AUH: variants seen among roughly 807,000 people sequenced by gnomAD.
AUH encodes methylglutaconyl-CoA hydratase, mitochondrial.
AUH carries 29 observed loss-of-function variants against 42.3 expected under a neutral mutation model. The observed-to-expected ratio is 0.69, with a 90% CI of 0.51 to 0.93. The LOEUF is 0.93. Ranked by LOEUF, AUH falls within the 40% of genes least tolerant of loss-of-function variation. The pLI, the probability that AUH is intolerant of heterozygous loss-of-function variation, is 0.00. For missense variants in AUH, 452 were observed against 438.1 expected (o/e 1.03, Z -0.28); for synonymous variants, 174 against 166.4 (o/e 1.05, Z -0.35).
At chr9:91,221,788 C>A (rs1188586293) in intron 6 of AUH, among the ~76,000 whole-genome samples, 1 of 152,184 alleles carries the variant, frequency 6.6e-6, no homozygotes, top group African/African-American at 2.4e-5. Flanking sequence ...GCAAAAGATG[C>A]TTATTTTGTT....
intron 3 of AUH, among the ~76,000 whole-genome samples, chr9:91,336,422 G>A (rs998915980): frequency 5.9e-5 from 9 of 152,072 alleles, no homozygotes; most frequent in Non-Finnish European, 1.2e-4. Flanking sequence ...TTGAGGCCAC[G>A]AGTTTGAGAC....
At chr9:91,218,930 T>C (rs1826975114) in intron 7 of AUH, 1 of 985,342 alleles carries the variant, frequency 1.0e-6, no homozygotes, top group Non-Finnish European at 1.2e-6. Flanking sequence ...CATCTTCTTA[T>C]ACATCAACAT....
In AUH at chr9:91,213,827, C is replaced by A. The variant is rs1361851500; in HGVS notation, c.*521G>T. Reference sequence around the variant, plus strand: ...GGTAAGAGAAAAATTCCCATGTTTTCTTTTCACTAATTTTATTTATATTAG... The same window carrying A: ...GGTAAGAGAAAAATTCCCATGTTTTATTTTCACTAATTTTATTTATATTAG... On this transcript the variant is annotated 3_prime_UTR_variant, in exon 10 of 10. Coordinates refer to ENST00000375731, the MANE Select transcript of AUH (RefSeq NM_001698.3). 1.3e-5 allele frequency: 2 copies of A among 153,678 alleles called. No individual in the cohort carries two copies. The highest frequency in any genetic ancestry group is 2.9e-5 in the Non-Finnish European group (2 of 68,916). The allele number at this position is 153,678 out of a possible 1,614,324, so 9.5% of individuals were successfully genotyped here.
chr9:91,353,042 A>T (rs919103465), intron 3 of AUH, among the ~76,000 whole-genome samples: 3 of 152,144 alleles, frequency 2.0e-5, no homozygotes, highest in African/African-American at 7.2e-5. Context: ...CAAGGGATGG[A>T]GAAGAGGCTA....
intron 4 of AUH, among the ~76,000 whole-genome samples, chr9:91,315,662 T>C (rs2131800172): frequency 6.6e-6 from 1 of 152,314 alleles, no homozygotes; most frequent in Middle Eastern, 3.4e-3. Flanking sequence ...TAGATGAATC[T>C]TCTAAAAATT....
At chr9:91,223,073 A>T (rs1310563027) in intron 6 of AUH, among the ~76,000 whole-genome samples, 1 of 152,230 alleles carries the variant, frequency 6.6e-6, no homozygotes, top group Non-Finnish European at 1.5e-5. Context: ...TGAGGGGTAG[A>T]CAGCTGGATG....
intron 6 of AUH, among the ~76,000 whole-genome samples, chr9:91,244,419 T>C (rs551891016): frequency 1.3e-5 from 2 of 152,378 alleles, no homozygotes; most frequent in African/African-American, 4.8e-5. Flanking sequence ...CTTAATGTAG[T>C]CAGTTATATT....
intron 3 of AUH, among the ~76,000 whole-genome samples, chr9:91,353,300 C>T (rs1832135060): frequency 6.6e-6 from 1 of 152,018 alleles, no homozygotes; most frequent in Non-Finnish European, 1.5e-5. Context: ...GTTGGCCAGG[C>T]TGGTCTCGAA....
chr9:91,300,595 AT>A (rs1827707439), intron 4 of AUH, among the ~76,000 whole-genome samples: 1 of 152,200 alleles, frequency 6.6e-6, no homozygotes, highest in African/African-American at 2.4e-5. Context: ...TCTTTCTAAA[AT>A]GTAAACACAG....
At chr9:91,299,965 CA>C (rs1464306938) in intron 4 of AUH, among the ~76,000 whole-genome samples, 1 of 152,134 alleles carries the variant, frequency 6.6e-6, no homozygotes, top group African/African-American at 2.4e-5. Flanking sequence ...AAACCCATGC[CA>C]CCATACCCAT....
intron 6 of AUH, among the ~76,000 whole-genome samples, chr9:91,224,149 CAGG>C (rs1279597333): frequency 6.6e-6 from 1 of 152,200 alleles, no homozygotes; most frequent in Non-Finnish European, 1.5e-5. Context: ...GTGCAGTGAA[CAGG>C]AGGACCTAGA....
chr9:91,356,594 T>G (rs552042101), intron 1 of AUH, among the ~76,000 whole-genome samples: 16 of 152,160 alleles, frequency 1.1e-4, no homozygotes, highest in Admixed American at 2.0e-4. Context: ...TCTGATATAC[T>G]TAACCTGAGG....
At chr9:91,295,947 A>T in intron 6 of AUH, 74 bp downstream of exon 6, 1 of 1,522,916 alleles carries the variant, frequency 6.6e-7, no homozygotes, top group Non-Finnish European at 9.1e-7. Flanking sequence ...CTTTCCAATT[A>T]ACATGATTTT....
chr9:91,284,554 A>C (rs1340383444), intron 6 of AUH, among the ~76,000 whole-genome samples: 2 of 152,340 alleles, frequency 1.3e-5, no homozygotes, highest in East Asian at 1.9e-4. Flanking sequence ...AAATTTTTGC[A>C]ATCTACTCAT....
intron 3 of AUH, among the ~76,000 whole-genome samples, chr9:91,335,857 G>A (rs949461125): frequency 6.6e-6 from 1 of 152,174 alleles, no homozygotes; most frequent in Non-Finnish European, 1.5e-5. Flanking sequence ...GTGACAGAAT[G>A]TGGTCTGATG....
At chr9:91,224,959 T>A (rs1006621940) in intron 6 of AUH, among the ~76,000 whole-genome samples, 12 of 152,218 alleles carry the variant, frequency 7.9e-5, no homozygotes, top group African/African-American at 2.9e-4. Flanking sequence ...AAATGGAAGT[T>A]ACAATGCAAT....
chr9:91,222,190 T>C (rs1384683232), intron 6 of AUH, among the ~76,000 whole-genome samples: 1 of 152,266 alleles, frequency 6.6e-6, no homozygotes, highest in East Asian at 1.9e-4. Context: ...GTATTTTTCC[T>C]TTAAAGGAAA....
intron 6 of AUH, among the ~76,000 whole-genome samples, chr9:91,280,587 T>C (rs1308418969): frequency 6.6e-6 from 1 of 152,130 alleles, no homozygotes; most frequent in African/African-American, 2.4e-5. Flanking sequence ...CTAATTTTAA[T>C]GAAAAAAGGG....
At chr9:91,288,010 T>C (rs534179516) in intron 6 of AUH, among the ~76,000 whole-genome samples, 31 of 152,170 alleles carry the variant, frequency 2.0e-4, no homozygotes, top group Non-Finnish European at 3.5e-4. Context: ...TGTGTTTTAC[T>C]GCTATTCAAA....
Sources: gnomAD v4.1 joint callset for allele counts (sites outside exome capture counted in the v4.1 genomes callset) on GRCh38, gnomAD v4.1.1 for gene constraint, MANE v1.5 for transcripts, NCBI Gene and HGNC (gene_info 2026-07-23, HGNC 2026-07-21) for gene names.